The following AGBL4 variants were observed in gnomAD, a reference collection of about 807,000 sequenced individuals.
The protein encoded by AGBL4 is cytosolic carboxypeptidase 6.
In AGBL4, 58 loss-of-function variants were observed where a neutral mutation model predicts 66.4. That is an observed-to-expected ratio of 0.87 (90% CI 0.71 to 1.09). AGBL4 has a LOEUF of 1.09. Among genes scored for constraint, AGBL4 ranks in the 50% least tolerant of loss-of-function variants. The pLI is 0.00. For missense variants in AGBL4, 579 were observed against 631.0 expected (o/e 0.92, Z 0.88); for synonymous variants, 234 against 222.9 (o/e 1.05, Z -0.44).
At chr1:49,932,732 T>G (rs1653496159) in intron 1 of AGBL4, among the ~76,000 whole-genome samples, 2 of 151,886 alleles carry the variant, frequency 1.3e-5, no homozygotes, top group South Asian at 4.1e-4. Context: ...ACAGAAACAT[T>G]GATGAAAAAA....
chr1:49,289,112 C>G (rs1260772334), intron 3 of AGBL4, among the ~76,000 whole-genome samples: 1 of 151,672 alleles, frequency 6.6e-6, no homozygotes, highest in Non-Finnish European at 1.5e-5. Context: ...GGCTTTAAAA[C>G]AATTATAATG....
intron 4 of AGBL4, among the ~76,000 whole-genome samples, chr1:49,185,889 C>T (rs1647007780): frequency 6.6e-6 from 1 of 152,004 alleles, no homozygotes; most frequent in East Asian, 1.9e-4. Context: ...GTTCTGTGTC[C>T]CAATGCCAGG....
chr1:49,812,649 C>T (rs746702614), intron 2 of AGBL4, among the ~76,000 whole-genome samples: 5 of 152,126 alleles, frequency 3.3e-5, no homozygotes, highest in Non-Finnish European at 2.9e-5. Context: ...GAAATGTAGA[C>T]CACTAATGCC....
At chr1:49,657,872 G>C (rs552364585) in intron 3 of AGBL4, among the ~76,000 whole-genome samples, 2 of 152,230 alleles carry the variant, frequency 1.3e-5, no homozygotes, top group South Asian at 4.1e-4. Context: ...ATGGATTAAA[G>C]ACTACACATT....
chr1:49,436,267 T>C (rs1355367354), intron 3 of AGBL4, among the ~76,000 whole-genome samples: 1 of 152,152 alleles, frequency 6.6e-6, no homozygotes, highest in Non-Finnish European at 1.5e-5. Context: ...CAGTGAGTGT[T>C]TCCTCAGAAC....
intron 1 of AGBL4, among the ~76,000 whole-genome samples, chr1:49,949,398 AG>A (rs1289872034): frequency 3.3e-5 from 5 of 151,938 alleles, no homozygotes; most frequent in African/African-American, 4.8e-5. Context: ...CCATGGCAAA[AG>A]GAACAGTCAG....
At chr1:49,344,463 T>C (rs1019497340) in intron 3 of AGBL4, among the ~76,000 whole-genome samples, 11 of 152,148 alleles carry the variant, frequency 7.2e-5, no homozygotes, top group African/African-American at 2.7e-4. Flanking sequence ...TTAAGTGAGA[T>C]AGGATAAAGC....
intron 4 of AGBL4, among the ~76,000 whole-genome samples, chr1:49,169,478 T>C (rs1463424904): frequency 6.6e-6 from 1 of 152,246 alleles, no homozygotes; most frequent in East Asian, 1.9e-4. Flanking sequence ...ACATATTTTG[T>C]TTTATTGAGG....
chr1:48,816,206 G>A (rs1284252735), intron 6 of AGBL4, among the ~76,000 whole-genome samples: 2 of 152,108 alleles, frequency 1.3e-5, no homozygotes, highest in Non-Finnish European at 2.9e-5. Context: ...ACAGTTAAAT[G>A]CTTATGTCAG....
At chr1:49,255,330 A>T (rs1307684989) in intron 3 of AGBL4, among the ~76,000 whole-genome samples, 1 of 152,190 alleles carries the variant, frequency 6.6e-6, no homozygotes, top group Non-Finnish European at 1.5e-5. Flanking sequence ...AGAAAAAACA[A>T]ACAACCCCAT....
intron 1 of AGBL4, among the ~76,000 whole-genome samples, chr1:49,941,161 C>T (rs1571919191): frequency 6.6e-6 from 1 of 152,138 alleles, no homozygotes; most frequent in African/African-American, 2.4e-5. Flanking sequence ...CTGAACAGAC[C>T]AATAACAAGT....
intron 6 of AGBL4, among the ~76,000 whole-genome samples, chr1:48,812,271 C>T (rs779515305): frequency 3.3e-5 from 5 of 152,194 alleles, no homozygotes; most frequent in African/African-American, 1.2e-4. Context: ...AAAGGGAATT[C>T]GTGCTGTGTG....
chr1:49,367,255 GT>G (rs1379754653), intron 3 of AGBL4, among the ~76,000 whole-genome samples: 9 of 152,266 alleles, frequency 5.9e-5, no homozygotes, highest in Admixed American at 2.0e-4. Flanking sequence ...GGTCATGGGG[GT>G]AGACCCTTTA....
chr1:49,517,963 A>G (rs1373316624), intron 3 of AGBL4, among the ~76,000 whole-genome samples: 3 of 151,954 alleles, frequency 2.0e-5, no homozygotes, highest in African/African-American at 7.2e-5. Flanking sequence ...TACCTTTGCT[A>G]TTGTACCCTG....
At chr1:48,839,396 A>G (rs1006051006) in intron 6 of AGBL4, among the ~76,000 whole-genome samples, 12 of 151,854 alleles carry the variant, frequency 7.9e-5, no homozygotes, top group Non-Finnish European at 1.6e-4. Context: ...TTTTTGACAT[A>G]AAGAAGAATG....
intron 2 of AGBL4, among the ~76,000 whole-genome samples, chr1:49,847,505 C>T (rs756507407): frequency 7.9e-5 from 12 of 152,094 alleles, no homozygotes; most frequent in Non-Finnish European, 1.6e-4. Flanking sequence ...TATCTGCACA[C>T]TATACATCGG....
At chr1:49,082,736 C>T (rs1557625720) in intron 4 of AGBL4, among the ~76,000 whole-genome samples, 1 of 152,180 alleles carries the variant, frequency 6.6e-6, no homozygotes, top group Non-Finnish European at 1.5e-5. Flanking sequence ...ATCATGCCTT[C>T]CAAACAGTCC....
chr1:49,108,190 T>C (rs771755678), intron 4 of AGBL4, among the ~76,000 whole-genome samples: 7 of 152,206 alleles, frequency 4.6e-5, no homozygotes, highest in Non-Finnish European at 1.0e-4. Flanking sequence ...AATGTTCGTA[T>C]ATATTCATCC....
intron 5 of AGBL4, among the ~76,000 whole-genome samples, chr1:48,979,321 G>GT (rs1659570713): frequency 6.6e-6 from 1 of 152,060 alleles, no homozygotes. Flanking sequence ...CAACAAATAT[G>GT]TATCACGTGC....
Sources: allele counts gnomAD v4.1 joint callset (sites outside exome capture counted in the v4.1 genomes callset), GRCh38; gene constraint gnomAD v4.1.1; transcripts MANE v1.5; gene names NCBI Gene and HGNC (gene_info 2026-07-23, HGNC 2026-07-21).